Variants in ALG12 observed in about 807,000 individuals in gnomAD.
The protein encoded by ALG12 is dol-P-Man:Man(7)GlcNAc(2)-PP-Dol alpha-1,6-mannosyltransferase.
A neutral mutation model predicts 46.0 loss-of-function variants in ALG12; 36 were observed. The ratio of observed to expected loss-of-function variants is 0.78; its 90% confidence interval spans 0.60 to 1.03. The LOEUF is 1.03. Among genes scored for constraint, ALG12 ranks in the 50% least tolerant of loss-of-function variants. The pLI, the probability that ALG12 is intolerant of heterozygous loss-of-function variation, is 0.00. For missense variants in ALG12, 599 were observed against 633.5 expected (o/e 0.95, Z 0.58); for synonymous variants, 326 against 291.6 (o/e 1.12, Z -1.20).
In ALG12 at chr22:49,903,911, G is replaced by A. The variant is rs756851493; in HGVS notation, c.1394C>T (p.Thr465Ile). Residue 465 changes from threonine to isoleucine, a missense_variant, in exon 10 of 10, where the codon ACC becomes ATC. Thr to Ile is a moderately conservative substitution (Grantham distance 89). Coordinates refer to ENST00000330817, the MANE Select transcript of ALG12 (RefSeq NM_024105.4). ...VGTTGVSLNL[T>I]QLPPFNVHLQ... Reference sequence around the variant, plus strand: ...GTGGACGTTGAAGGGGGGCAGTTGGGTCAGGTTCAGACTCACACCTGTGGT... The same window carrying A: ...GTGGACGTTGAAGGGGGGCAGTTGGATCAGGTTCAGACTCACACCTGTGGT... The A allele has an allele frequency of 6.8e-6, 11 of 1,614,090 alleles. No homozygotes were observed. The highest frequency in any genetic ancestry group is 3.3e-5 in the South Asian group (3 of 91,092).
chr22:49,891,531 G>A, the ALG12 span, among the ~76,000 whole-genome samples: 3 of 152,268 alleles, frequency 2.0e-5, no homozygotes, highest in Admixed American at 6.5e-5. Flanking sequence ...TTCTTAAAAC[G>A]AGGTATCTAT....
intron 3 of ALG12, among the ~76,000 whole-genome samples, chr22:49,912,452 C>T (rs1419170649): frequency 6.6e-6 from 1 of 152,184 alleles, no homozygotes; most frequent in Admixed American, 6.5e-5. Context: ...TGGCTCGTGG[C>T]CCCCCAACTC....
the ALG12 span, among the ~76,000 whole-genome samples, chr22:49,862,318 A>C: frequency 2.0e-5 from 3 of 152,282 alleles, no homozygotes; most frequent in East Asian, 5.8e-4. Flanking sequence ...TTTTTTGCTG[A>C]GACTGGAATT....
At chr22:49,876,450 C>G in the ALG12 span, among the ~76,000 whole-genome samples, 1 of 152,290 alleles carries the variant, frequency 6.6e-6, no homozygotes, top group South Asian at 2.1e-4. Flanking sequence ...TTGAAGGTCT[C>G]TTTGCAGGTA....
the ALG12 span, among the ~76,000 whole-genome samples, chr22:49,881,766 C>T: frequency 1.5e-4 from 23 of 152,274 alleles, no homozygotes; most frequent in African/African-American, 4.8e-4. Context: ...CTTGTGGTTT[C>T]AAGCGATCCT....
Position 49,913,581 on chromosome 22 carries a change from CA to C in ALG12, c.162+22del, listed in dbSNP as rs201822626. 3.1e-3 allele frequency: 4,980 copies of C among 1,613,978 alleles called. 132 individuals carry two copies. In the African/African-American group the frequency reaches 0.057, roughly 18 times the overall value. ...CCAGCTGGTAACATGAGGTTTTCCC[CA>C]AAGACAGCAGGGGCCCCTCACCTGC... On this transcript the variant is annotated intron_variant, in intron 2 of 9. Transcript: ENST00000330817.
rs542031089 is a variant in ALG12, at chr22:49,912,843, G to A, written c.295+542C>T. ...GATTGCACCACTGCACTTCAGCCTA[G>A]GTGACACAGCAAGGCCCTGTCTCAA... On this transcript the variant is annotated intron_variant, in intron 3 of 9. Transcript: ENST00000330817. Among the ~76,000 whole-genome samples the A allele has an allele frequency of 2.6e-5, 4 of 152,088 alleles. No individual in the cohort carries two copies. The South Asian group carries it at 8.3e-4, about 32-fold the overall frequency.
the ALG12 span, chr22:49,884,252 G>A: frequency 6.2e-7 from 1 of 1,605,132 alleles, no homozygotes. Flanking sequence ...GCGGACGCGG[G>A]TGACCTCAGC....
the ALG12 span, chr22:49,883,966 G>A: frequency 1.1e-5 from 18 of 1,613,492 alleles, 1 homozygote; most frequent in African/African-American, 5.3e-5. Flanking sequence ...CATGGAGGCC[G>A]TGACCCAGAG....
rs1457595822 is a variant in ALG12 at position 49,903,563 on chromosome 22, G to C, written c.*275C>G. The C allele has an allele frequency of 3.1e-6, 2 of 636,940 alleles. No individual in the cohort carries two copies. Among genetic ancestry groups the C allele is most frequent in the Non-Finnish European group, 5.8e-6 (2 of 342,948 alleles). The allele number at this position is 636,940 out of a possible 1,614,324, so 39.5% of individuals were successfully genotyped here. ...TGAATGGCACCTGGTCTGGGCGACA[G>C]TCACCCGCAGGAAGCCCTGAGCTGG... On this transcript the variant is annotated 3_prime_UTR_variant, in exon 10 of 10. Transcript: ENST00000330817.
chr22:49,913,554 T>C, intron 2 of ALG12, 37 bp from the exon 3 acceptor site: 2 of 1,613,930 alleles, frequency 1.2e-6, no homozygotes, highest in South Asian at 2.2e-5. Flanking sequence ...ACCGGGGCCC[T>C]GCCAGCTGGT....
Position 49,916,621 on chromosome 22 carries a change from C to T in ALG12, c.-79+1642G>A, listed in dbSNP as rs530127544. On this transcript the variant is annotated intron_variant, in intron 1 of 9. Coordinates refer to ENST00000330817, the MANE Select transcript of ALG12 (RefSeq NM_024105.4). Reference sequence around the variant, plus strand: ...GAAGCAAGCCGGATGTGTTGGCTCACGCCTGTAATTCCAGCTACTCAGGAG... The same window carrying T: ...GAAGCAAGCCGGATGTGTTGGCTCATGCCTGTAATTCCAGCTACTCAGGAG... Among the ~76,000 whole-genome samples, 5 of 152,220 alleles carry T rather than the reference C, an allele frequency of 3.3e-5. No individual in the cohort carries two copies. In the East Asian group the frequency reaches 5.8e-4, roughly 18 times the overall value.
At chr22:49,883,000 G>A in the ALG12 span, among the ~76,000 whole-genome samples, 3 of 152,244 alleles carry the variant, frequency 2.0e-5, no homozygotes, top group Non-Finnish European at 2.9e-5. Context: ...TATAGCAGCT[G>A]TGAGTACCTC....
chr22:49,908,981 G>A lies in ALG12; in HGVS notation c.768+263C>T, dbSNP rs12166846. Among the ~76,000 whole-genome samples the A allele has an allele frequency of 0.048, 7,218 of 150,412 alleles. 550 individuals carry two copies. The highest frequency in any genetic ancestry group is 0.16 in the African/African-American group (6,639 of 40,898). On this transcript the variant is annotated intron_variant, in intron 6 of 9. Transcript: ENST00000330817. ...AAAAAAAAAAAAAAGCAGATTGTCC[G>A]AGGAGCAGAGGAGAGGCTGGGGTAA...
At chr22:49,911,592 G>A (rs1244365351) in intron 3 of ALG12, among the ~76,000 whole-genome samples, 3 of 152,070 alleles carry the variant, frequency 2.0e-5, no homozygotes, top group Admixed American at 1.3e-4. Flanking sequence ...ATGCCAACAC[G>A]CCCGGCTAAT....
intron 3 of ALG12, among the ~76,000 whole-genome samples, chr22:49,911,817 C>T (rs957964781): frequency 1.3e-5 from 2 of 152,174 alleles, no homozygotes; most frequent in Non-Finnish European, 2.9e-5. Flanking sequence ...TGGAATTTCC[C>T]CCGGGCTTTT....
chr22:49,898,743 G>C (rs1456901532), downstream of ALG12, among the ~76,000 whole-genome samples: 3 of 152,028 alleles, frequency 2.0e-5, no homozygotes, highest in African/African-American at 7.2e-5. Context: ...TGAAAAGACA[G>C]TATTTTCTTT....
chr22:49,884,898 G>A, the ALG12 span: 31 of 1,602,446 alleles, frequency 1.9e-5, no homozygotes, highest in African/African-American at 8.0e-5. Flanking sequence ...AAGACGTGGC[G>A]GCCTTCTCAT....
intron 1 of ALG12, 134 bp from the exon 2 acceptor site, chr22:49,913,977 C>T (rs1400266693): frequency 6.4e-6 from 4 of 622,126 alleles, no homozygotes; most frequent in Non-Finnish European, 1.1e-5. Context: ...GAAAACGCAT[C>T]AAGATGGAAA....
Sources: gnomAD v4.1 joint callset for allele counts (sites outside exome capture counted in the v4.1 genomes callset) on GRCh38, gnomAD v4.1.1 for gene constraint, MANE v1.5 for transcripts, NCBI Gene and HGNC (gene_info 2026-07-23, HGNC 2026-07-21) for gene names.